Variants in MGA observed in about 807,000 individuals in gnomAD.
The protein encoded by MGA is MAX dimerization protein MGA.
Under a neutral mutation model 261.1 loss-of-function variants are expected in MGA, and 40 were observed. The ratio of observed to expected loss-of-function variants is 0.15; its 90% CI spans 0.12 to 0.20. The LOEUF is 0.20. Ranked by LOEUF, MGA falls within the 10% of genes least tolerant of loss-of-function variation. The pLI is 1.00. For missense variants in MGA, 3,397 were observed against 3,630.5 expected, an observed-to-expected ratio of 0.94 and a Z score of 1.65; for synonymous variants, 1,302 against 1,290.6, an observed-to-expected ratio of 1.01 and a Z score of -0.19.
chr15:41,725,346 A>G lies in MGA; in HGVS notation c.3431-1834A>G, dbSNP rs574860810. ...TTTTTCTTTATATTACCTTTAATTA[A>G]CTCTTAACAACTAAACCTTTTTTTA... On this transcript the variant is annotated intron_variant, in intron 9 of 23. Transcript: ENST00000219905. 3.3e-5 allele frequency among the ~76,000 whole-genome samples: 5 copies of G among 152,164 alleles called. No individual in the cohort carries two copies. The South Asian group carries it at 1.0e-3, about 32-fold the overall frequency.
At chr15:41,630,241 C>T (rs931111470) in intron 1 of MGA, among the ~76,000 whole-genome samples, 23 of 152,148 alleles carry the variant, frequency 1.5e-4, no homozygotes, top group Non-Finnish European at 3.1e-4. Context: ...TCAATATCCA[C>T]CTTAAATTTG....
At chr15:41,697,968 T>C (rs2059628100) in intron 3 of MGA, among the ~76,000 whole-genome samples, 1 of 151,820 alleles carries the variant, frequency 6.6e-6, no homozygotes. Context: ...TCCTGTGTTC[T>C]TGCCATTCCC....
chr15:41,715,529 A>C (rs1459664202), intron 9 of MGA, among the ~76,000 whole-genome samples: 1 of 152,146 alleles, frequency 6.6e-6, no homozygotes, highest in Admixed American at 6.5e-5. Context: ...ATAAGTTGTT[A>C]ATATAGCTGA....
At chr15:41,757,118 G>A (rs2063196464) in intron 18 of MGA, among the ~76,000 whole-genome samples, 1 of 152,088 alleles carries the variant, frequency 6.6e-6, no homozygotes, top group Non-Finnish European at 1.5e-5. Flanking sequence ...TTTTTGAGAT[G>A]TATTATTTCT....
At chr15:41,623,590 C>T (rs1226583135) in intron 1 of MGA, among the ~76,000 whole-genome samples, 1 of 151,726 alleles carries the variant, frequency 6.6e-6, no homozygotes, top group Non-Finnish European at 1.5e-5. Flanking sequence ...ACTAAAAATA[C>T]AAAATTAGCC....
In MGA at chr15:41,766,170, G is replaced by A; in HGVS notation, c.8088G>A (p.Glu2696=). 1.9e-6 allele frequency: 3 copies of A among 1,613,986 alleles called. No homozygotes were observed. The highest frequency in any genetic ancestry group is 2.5e-6 in the Non-Finnish European group (3 of 1,179,880). Residue 2696 remains glutamate, a synonymous_variant, in exon 24 of 24, where the codon GAG becomes GAA. Coordinates refer to ENST00000219905, the MANE Select transcript of MGA (RefSeq NM_001164273.2). The stretch of plus-strand genomic sequence containing the variant: ...TCAGGAATGAAGATAATTCCTTAGA[G>A]GATAAGGGTAGAATCTCTTCCAGAG...
chr15:41,683,521 A>G lies in MGA; in HGVS notation c.1065-12554A>G, dbSNP rs140308871. Among the ~76,000 whole-genome samples the G allele has an allele frequency of 2.0e-5, 3 of 149,676 alleles. No homozygotes were observed. The East Asian group carries it at 5.9e-4, about 30-fold the overall frequency. On this transcript the variant is annotated intron_variant, in intron 2 of 23. Transcript: ENST00000219905. ...GCTCTTTTATTTTCTTCTGTACTCTACATTTCTCTTTTCCAGTGGATTTCT... is the reference window on the plus strand; with the variant it reads ...GCTCTTTTATTTTCTTCTGTACTCTGCATTTCTCTTTTCCAGTGGATTTCT...
At chr15:41,715,403 C>G (rs1404353666) in intron 9 of MGA, among the ~76,000 whole-genome samples, 1 of 152,032 alleles carries the variant, frequency 6.6e-6, no homozygotes, top group African/African-American at 2.4e-5. Flanking sequence ...CCACCTCGGC[C>G]TCCCAAAGGG....
chr15:41,637,290 C>T (rs567139514), intron 1 of MGA, among the ~76,000 whole-genome samples: 1 of 152,240 alleles, frequency 6.6e-6, no homozygotes, highest in African/African-American at 2.4e-5. Context: ...ATCATATTGC[C>T]TTTGTCTTTG....
At chr15:41,624,101 G>A (rs1292777960) in intron 1 of MGA, among the ~76,000 whole-genome samples, 3 of 149,352 alleles carry the variant, frequency 2.0e-5, no homozygotes, top group Non-Finnish European at 3.0e-5. Flanking sequence ...GTCTCACTCT[G>A]TGGCCCAGGC....
At chr15:41,757,677 C>A in intron 18 of MGA, 111 bp from the exon 19 acceptor site, 1 of 755,820 alleles carries the variant, frequency 1.3e-6, no homozygotes. Context: ...ATATATCACA[C>A]CTTGGGAAAA....
At chr15:41,636,235 C>T (rs2056701546) in intron 1 of MGA, among the ~76,000 whole-genome samples, 1 of 151,242 alleles carries the variant, frequency 6.6e-6, no homozygotes, top group South Asian at 2.1e-4. Flanking sequence ...AACTCCTGGG[C>T]CCAAGCAATT....
At chr15:41,630,280 T>G (rs1384777863) in intron 1 of MGA, among the ~76,000 whole-genome samples, 2 of 152,162 alleles carry the variant, frequency 1.3e-5, no homozygotes, top group Non-Finnish European at 2.9e-5. Flanking sequence ...TTTCGACGGA[T>G]AAAATTGACC....
At chr15:41,764,279 A>C in intron 22 of MGA, among the ~76,000 whole-genome samples, 1 of 121,024 alleles carries the variant, frequency 8.3e-6, no homozygotes, top group South Asian at 2.7e-4. Flanking sequence ...TTTGAGACGG[A>C]GTCTCGCTCT....
intron 5 of MGA, 123 bp downstream of exon 5, chr15:41,699,282 T>G: frequency 3.1e-6 from 2 of 642,278 alleles, no homozygotes. Flanking sequence ...CTTTCTAGCC[T>G]TGATTTCATT....
intron 1 of MGA, among the ~76,000 whole-genome samples, chr15:41,640,412 G>T (rs867613707): frequency 3.0e-4 from 45 of 152,150 alleles, no homozygotes; most frequent in African/African-American, 9.9e-4. Context: ...CAAAGGAGTT[G>T]TTGAGCCTAG....
At chr15:41,645,423 C>T (rs898771038) in intron 1 of MGA, among the ~76,000 whole-genome samples, 1 of 152,176 alleles carries the variant, frequency 6.6e-6, no homozygotes, top group African/African-American at 2.4e-5. Context: ...CCTGTCTCTA[C>T]TAAAAATACA....
Position 41,710,902 on chromosome 15 carries a change from C to G in MGA, c.2637C>G (p.Ser879=). 1 of 1,613,862 alleles carries G rather than the reference C, an allele frequency of 6.2e-7. No individual in the cohort carries two copies. Among genetic ancestry groups the G allele is most frequent in the Non-Finnish European group, 8.5e-7 (1 of 1,179,826 alleles). ...TACTAAAGAAGCAATCTACTATTTC[C>G]CCTTCTACCTCTTATTCTTTGAAAC... Residue 879 remains serine (S), a synonymous_variant, in exon 8 of 24, where the codon TCC becomes TCG. Transcript: ENST00000219905.
intron 13 of MGA, chr15:41,740,021 A>T (rs761470954): frequency 6.2e-7 from 1 of 1,613,892 alleles, no homozygotes; most frequent in South Asian, 1.1e-5. Context: ...TCAGTCCTGG[A>T]CCTCTCAACC....
Sources: allele counts gnomAD v4.1 joint callset (sites outside exome capture counted in the v4.1 genomes callset), GRCh38; gene constraint gnomAD v4.1.1; transcripts MANE v1.5; gene names NCBI Gene and HGNC (gene_info 2026-07-23, HGNC 2026-07-21).